MINAR1: variants seen among roughly 807,000 people sequenced by gnomAD.
MINAR1 encodes major intrinsically disordered Notch2-binding receptor 1.
In MINAR1, 40 loss-of-function variants were observed where a neutral mutation model predicts 65.1. That is an observed-to-expected ratio of 0.61 (90% CI 0.48 to 0.80). The LOEUF is 0.80. MINAR1 is among the 30% of genes least tolerant of loss of function. The probability of loss-of-function intolerance (pLI) is 0.00; values close to 1 mark genes in which losing one functional copy is unlikely to be tolerated. For missense variants in MINAR1, 1,128 were observed against 1,148.0 expected (o/e 0.98, Z 0.25); for synonymous variants, 482 against 449.1 (o/e 1.07, Z -0.93).
upstream of MINAR1, among the ~76,000 whole-genome samples, chr15:79,428,617 T>C (rs116216613): frequency 3.4e-3 from 521 of 152,150 alleles, 1 homozygote; most frequent in African/African-American, 8.5e-3. Flanking sequence ...CACTTTCCAT[T>C]TATCTCATCT....
intron 3 of MINAR1, among the ~76,000 whole-genome samples, chr15:79,464,204 C>T (rs1318318509): frequency 2.0e-5 from 3 of 152,214 alleles, no homozygotes; most frequent in African/African-American, 7.2e-5. Context: ...TGACCTGAAG[C>T]ATTCACTCCA....
chr15:79,425,100 C>CACCA, the MINAR1 span: 1 of 151,780 alleles, frequency 6.6e-6, no homozygotes, highest in South Asian at 2.1e-4. Context: ...AGTGCAGGGG[C>CACCA]ACCATCTTGG....
intron 1 of MINAR1, among the ~76,000 whole-genome samples, chr15:79,453,071 C>T (rs974636616): frequency 1.3e-5 from 2 of 151,746 alleles, no homozygotes; most frequent in Non-Finnish European, 2.9e-5. Flanking sequence ...TGACCAGATC[C>T]GGCTTCAGAC....
chr15:79,449,577 C>T (rs553116347), intron 1 of MINAR1, among the ~76,000 whole-genome samples: 2 of 152,272 alleles, frequency 1.3e-5, no homozygotes, highest in Non-Finnish European at 2.9e-5. Context: ...GGCATGAAAC[C>T]CATTCATTAG....
In MINAR1 at chr15:79,456,669, G is replaced by A. The variant is rs1895428100; in HGVS notation, c.522G>A (p.Glu174=). ...GCCCACAGTTTGTCCCTGCCTCTGA[G>A]CCTAACTTCCTGTTGGGAGTTAGCA... is the stretch of plus-strand genomic sequence containing the variant. The part of the protein sequence containing the change: ...KDCPQFVPAS[E]PNFLLGVSKE... The change falls in exon 2 of 4, where the codon GAG becomes GAA. Residue 174 remains glutamate, a synonymous_variant. Transcript: ENST00000305428. 2 of 1,614,154 alleles carry A rather than the reference G, an allele frequency of 1.2e-6. No homozygotes were observed. The highest frequency in any genetic ancestry group is 2.2e-5 in the East Asian group (1 of 44,876).
chr15:79,447,788 C>T (rs1895065986), intron 1 of MINAR1, among the ~76,000 whole-genome samples: 2 of 152,246 alleles, frequency 1.3e-5, no homozygotes, highest in South Asian at 4.2e-4. Flanking sequence ...TTTTCCATTT[C>T]TAAGGGGTAA....
chr15:79,419,641 A>G, the MINAR1 span: 2 of 152,226 alleles, frequency 1.3e-5, no homozygotes, highest in Non-Finnish European at 2.9e-5. Flanking sequence ...GAAGAAAGAT[A>G]TTTTATAACT....
intron 3 of MINAR1, among the ~76,000 whole-genome samples, chr15:79,466,324 T>C (rs1895852501): frequency 2.0e-5 from 3 of 152,182 alleles, no homozygotes. Flanking sequence ...TGGCAAACTT[T>C]CTCTGTAAAG....
At chr15:79,450,918 G>A (rs2141287330) in intron 1 of MINAR1, among the ~76,000 whole-genome samples, 1 of 152,278 alleles carries the variant, frequency 6.6e-6, no homozygotes, top group East Asian at 1.9e-4. Flanking sequence ...TGTCACATGG[G>A]AAGCTCTTTA....
intron 1 of MINAR1, among the ~76,000 whole-genome samples, chr15:79,445,636 C>T (rs1220046034): frequency 6.6e-6 from 1 of 151,826 alleles, no homozygotes; most frequent in Non-Finnish European, 1.5e-5. Flanking sequence ...GCAACCTCCA[C>T]CTCCCAGGTT....
At chr15:79,458,958 C>T (rs543321407) in intron 2 of MINAR1, among the ~76,000 whole-genome samples, 1 of 152,210 alleles carries the variant, frequency 6.6e-6, no homozygotes, top group African/African-American at 2.4e-5. Flanking sequence ...TAAATAGGAT[C>T]ATGAGGTCAG....
Position 79,471,378 on chromosome 15 carries a change from C to T in MINAR1, c.*2994C>T, listed in dbSNP as rs1896073553. 1 of 152,560 alleles carries T rather than the reference C, an allele frequency of 6.6e-6. No homozygotes were observed. The highest frequency in any genetic ancestry group is 1.5e-5 in the Non-Finnish European group (1 of 68,018). 9.5% of individuals were successfully genotyped at this position (152,560 alleles called of 1,614,324 possible). A position where few individuals can be genotyped will look rare whatever the true frequency, so the allele number is the denominator to read the frequency against. The stretch of plus-strand genomic sequence containing the variant: ...TCATCTTCTTTCATAATCATTTCAT[C>T]TTCTAATCTGAATTTGTTTTGAACA... On this transcript the variant is annotated 3_prime_UTR_variant, in exon 4 of 4. Transcript: ENST00000305428.
At chr15:79,439,142 T>G (rs1304207935) in intron 1 of MINAR1, among the ~76,000 whole-genome samples, 2 of 8,312 alleles carry the variant, frequency 2.4e-4, no homozygotes, top group African/African-American at 3.7e-4. Context: ...GTGGATGGGG[T>G]GGGTAGTGAG....
chr15:79,431,210 G>T (rs1357236090), upstream of MINAR1, among the ~76,000 whole-genome samples: 1 of 152,250 alleles, frequency 6.6e-6, no homozygotes, highest in African/African-American at 2.4e-5. Context: ...TGGGGGTGTT[G>T]CTTTCCTTTT....
chr15:79,414,358 C>G, the MINAR1 span: 1 of 152,214 alleles, frequency 6.6e-6, no homozygotes, highest in Non-Finnish European at 1.5e-5. Context: ...TGCATGTTTT[C>G]AATCTTTCTA....
chr15:79,420,213 G>A, the MINAR1 span: 1 of 152,280 alleles, frequency 6.6e-6, no homozygotes, highest in East Asian at 1.9e-4. Flanking sequence ...ATGCTTGAAT[G>A]TTATATCCAT....
At chr15:79,421,357 G>A in the MINAR1 span, 1 of 152,196 alleles carries the variant, frequency 6.6e-6, no homozygotes, top group Non-Finnish European at 1.5e-5. Context: ...TGACCTGCCT[G>A]AAGATCTATC....
At chr15:79,423,173 T>C in the MINAR1 span, 1 of 152,214 alleles carries the variant, frequency 6.6e-6, no homozygotes, top group Non-Finnish European at 1.5e-5. Context: ...TGACTCTATA[T>C]GTATCTCAAA....
the MINAR1 span, chr15:79,422,151 A>C: frequency 1.3e-5 from 2 of 152,252 alleles, no homozygotes; most frequent in Non-Finnish European, 2.9e-5. Context: ...GTGAGGCCCC[A>C]GCCCTCATCC....
Sources: allele counts gnomAD v4.1 joint callset (sites outside exome capture counted in the v4.1 genomes callset), GRCh38; gene constraint gnomAD v4.1.1; transcripts MANE v1.5; gene names NCBI Gene and HGNC (gene_info 2026-07-23, HGNC 2026-07-21).